The following KCNIP4 variants were observed in gnomAD, a reference collection of about 807,000 sequenced individuals.
KCNIP4 encodes potassium voltage-gated channel interacting protein 4, also known as Kv channel-interacting protein 4.
A neutral mutation model predicts 34.0 loss-of-function variants in KCNIP4; 12 were observed. The ratio of observed to expected loss-of-function variants is 0.35; its 90% confidence interval spans 0.23 to 0.57. KCNIP4 has a LOEUF of 0.57. Ranked by LOEUF, KCNIP4 falls within the 20% of genes least tolerant of loss-of-function variation. The probability of loss-of-function intolerance (pLI) is 0.83; values close to 1 mark genes in which losing one functional copy is unlikely to be tolerated. For synonymous variants in KCNIP4, 124 were observed against 102.2 expected (o/e 1.21, Z -1.29); for missense variants, 238 against 311.7 (o/e 0.76, Z 1.78).
intron 1 of KCNIP4, among the ~76,000 whole-genome samples, chr4:20,933,678 T>G (rs1303456817): frequency 6.6e-6 from 1 of 151,858 alleles, no homozygotes; most frequent in East Asian, 1.9e-4. Flanking sequence ...GCTAAAATTA[T>G]ATGGATTTGA....
intron 8 of KCNIP4, 95 bp from the exon 9 acceptor site, chr4:20,730,224 C>T (rs1560398322): frequency 2.6e-5 from 36 of 1,400,708 alleles, no homozygotes; most frequent in Non-Finnish European, 3.0e-5. Context: ...CCATCAACCA[C>T]CTCAACCACC....
chr4:20,859,151 T>G (rs1192776784), intron 2 of KCNIP4, among the ~76,000 whole-genome samples: 1 of 152,176 alleles, frequency 6.6e-6, no homozygotes, highest in Non-Finnish European at 1.5e-5. Context: ...AAAGCTGTGC[T>G]GATAAGAAAC....
intron 1 of KCNIP4, among the ~76,000 whole-genome samples, chr4:21,146,511 C>T (rs1752369149): frequency 6.6e-6 from 1 of 152,172 alleles, no homozygotes; most frequent in Non-Finnish European, 1.5e-5. Flanking sequence ...ATATGATTGC[C>T]CCAACTGAAA....
intron 1 of KCNIP4, among the ~76,000 whole-genome samples, chr4:21,158,872 C>G (rs1005013365): frequency 7.9e-5 from 12 of 151,968 alleles, no homozygotes; most frequent in Non-Finnish European, 1.6e-4. Flanking sequence ...GTATAAATTC[C>G]AATGAAATCT....
chr4:21,578,901 C>A (rs1740965375), intron 1 of KCNIP4, among the ~76,000 whole-genome samples: 1 of 152,152 alleles, frequency 6.6e-6, no homozygotes, highest in Non-Finnish European at 1.5e-5. Context: ...ATTTTAGAGA[C>A]CAATTGTTTT....
intron 1 of KCNIP4, among the ~76,000 whole-genome samples, chr4:21,428,731 G>T (rs1726146199): frequency 1.3e-5 from 2 of 152,166 alleles, no homozygotes; most frequent in African/African-American, 4.8e-5. Context: ...ACATTTTCTA[G>T]GATGATTTTA....
At chr4:21,805,867 A>T (rs1305948296) in intron 1 of KCNIP4, among the ~76,000 whole-genome samples, 1 of 152,208 alleles carries the variant, frequency 6.6e-6, no homozygotes, top group African/African-American at 2.4e-5. Context: ...TTGGCAGGGC[A>T]TGATACAGGT....
At chr4:21,488,669 G>A (rs1732117486) in intron 1 of KCNIP4, among the ~76,000 whole-genome samples, 1 of 152,006 alleles carries the variant, frequency 6.6e-6, no homozygotes, top group Non-Finnish European at 1.5e-5. Context: ...ACAATCACAT[G>A]GGAAGTAGGA....
chr4:21,320,326 G>A (rs1454763566), intron 1 of KCNIP4, among the ~76,000 whole-genome samples: 3 of 152,140 alleles, frequency 2.0e-5, no homozygotes, highest in African/African-American at 7.2e-5. Context: ...AGGTGCTCTG[G>A]CCTGAAGGTG....
chr4:21,554,964 C>T (rs964957468), intron 1 of KCNIP4, among the ~76,000 whole-genome samples: 3 of 152,078 alleles, frequency 2.0e-5, no homozygotes, highest in African/African-American at 7.2e-5. Flanking sequence ...TTCTCCATCC[C>T]ACTATTTAAA....
chr4:21,221,680 A>G (rs187966968), intron 1 of KCNIP4, among the ~76,000 whole-genome samples: 3 of 152,276 alleles, frequency 2.0e-5, no homozygotes, highest in Admixed American at 6.5e-5. Flanking sequence ...AAGCCTAACC[A>G]TATCAGAGCA....
intron 1 of KCNIP4, among the ~76,000 whole-genome samples, chr4:20,981,442 C>G (rs1736054109): frequency 6.6e-6 from 1 of 152,158 alleles, no homozygotes; most frequent in African/African-American, 2.4e-5. Flanking sequence ...CTCAAGAATT[C>G]CAGAAAATTC....
intron 1 of KCNIP4, among the ~76,000 whole-genome samples, chr4:21,052,115 A>G (rs1195825471): frequency 6.6e-6 from 1 of 152,126 alleles, no homozygotes; most frequent in African/African-American, 2.4e-5. Flanking sequence ...GTCTGTTCCT[A>G]TCCTAGTATA....
intron 1 of KCNIP4, chr4:20,984,083 G>T: frequency 8.4e-7 from 1 of 1,189,458 alleles, no homozygotes; most frequent in Non-Finnish European, 1.1e-6. Flanking sequence ...CGGCCCCCCG[G>T]GGTGAGGACA....
intron 5 of KCNIP4, among the ~76,000 whole-genome samples, chr4:20,740,345 C>A (rs145561667): frequency 0.031 from 4,780 of 152,134 alleles, 92 homozygotes; most frequent in Non-Finnish European, 0.046. Context: ...TCGGGTTACC[C>A]ACAAAGGGAA....
chr4:21,137,903 G>C (rs67921960), intron 1 of KCNIP4, among the ~76,000 whole-genome samples: 31,999 of 125,440 alleles, frequency 0.26, 4,049 homozygotes, highest in Non-Finnish European at 0.28. Flanking sequence ...ATGGAGTCTT[G>C]CTCTATTACC....
At chr4:20,901,908 A>C (rs560480589) in intron 1 of KCNIP4, among the ~76,000 whole-genome samples, 84 of 151,960 alleles carry the variant, frequency 5.5e-4, no homozygotes, top group African/African-American at 6.8e-4. Flanking sequence ...AAAAAAAAAA[A>C]CACAACCTTT....
chr4:21,461,218 G>A (rs774266335), intron 1 of KCNIP4, among the ~76,000 whole-genome samples: 13 of 151,802 alleles, frequency 8.6e-5, no homozygotes, highest in South Asian at 4.2e-4. Context: ...CCTGTGTCTC[G>A]CTCTCTCTCC....
intron 1 of KCNIP4, among the ~76,000 whole-genome samples, chr4:21,883,155 TG>T (rs1333184371): frequency 1.6e-4 from 20 of 126,812 alleles, no homozygotes; most frequent in Admixed American, 5.5e-4. Flanking sequence ...GTTTCTGAGT[TG>T]TTGTTTTTTT....
Sources: allele counts gnomAD v4.1 joint callset (sites outside exome capture counted in the v4.1 genomes callset), GRCh38; gene constraint gnomAD v4.1.1; transcripts MANE v1.5; gene names NCBI Gene and HGNC (gene_info 2026-07-23, HGNC 2026-07-21).